GRIK4: variants seen among roughly 807,000 people sequenced by gnomAD.
GRIK4 encodes the protein glutamate ionotropic receptor kainate type subunit 4.
In GRIK4, 40 loss-of-function variants were observed where a neutral mutation model predicts 104.9. The ratio of observed to expected loss-of-function variants is 0.38; its 90% CI spans 0.30 to 0.50. GRIK4 has a LOEUF of 0.50. Among genes scored for constraint, GRIK4 ranks in the 20% least tolerant of loss-of-function variants. The probability of loss-of-function intolerance (pLI) is 0.93; values close to 1 mark genes in which losing one functional copy is unlikely to be tolerated. For missense variants in GRIK4, 1,047 were observed against 1,308.1 expected (o/e 0.80, Z 3.08); for synonymous variants, 485 against 524.9 (o/e 0.92, Z 1.04).
At chr11:120,668,701 C>T (rs10892593) in intron 3 of GRIK4, among the ~76,000 whole-genome samples, 19,792 of 152,130 alleles carry the variant, frequency 0.13, 1,407 homozygotes, top group South Asian at 0.23. Context: ...AGTTGGCTCC[C>T]GGGAGGCTCT....
At chr11:120,911,122 G>A (rs1565433777) in intron 13 of GRIK4, among the ~76,000 whole-genome samples, 2 of 152,230 alleles carry the variant, frequency 1.3e-5, no homozygotes, top group South Asian at 2.1e-4. Flanking sequence ...TGAAACAAGC[G>A]GGCAGGAGGG....
At chr11:120,928,960 CGTGTGTGTGTGT>C (rs61452053) in intron 13 of GRIK4, among the ~76,000 whole-genome samples, 3 of 150,462 alleles carry the variant, frequency 2.0e-5, no homozygotes, top group East Asian at 2.0e-4. Flanking sequence ...TTAGCAAAGA[CGTGTGTGTGTGT>C]GTGTGTGTGT....
At chr11:120,658,363 G>A (rs1949747149) in intron 2 of GRIK4, among the ~76,000 whole-genome samples, 1 of 152,130 alleles carries the variant, frequency 6.6e-6, no homozygotes, top group Admixed American at 6.5e-5. Flanking sequence ...GCATGTCTTT[G>A]CTAATCATAT....
intron 1 of GRIK4, among the ~76,000 whole-genome samples, chr11:120,583,569 A>G (rs1165671076): frequency 6.6e-6 from 1 of 151,922 alleles, no homozygotes; most frequent in African/African-American, 2.4e-5. Flanking sequence ...CCATTGGTCT[A>G]TGTTTCTGTT....
chr11:120,853,852 A>G (rs1954036534), intron 8 of GRIK4, among the ~76,000 whole-genome samples: 1 of 152,260 alleles, frequency 6.6e-6, no homozygotes, highest in African/African-American at 2.4e-5. Flanking sequence ...GTGATGGAGT[A>G]TGCTTTGACA....
chr11:120,898,564 C>T lies in GRIK4; in HGVS notation c.1197C>T (p.Ser399=). The T allele has an allele frequency of 6.2e-7, 1 of 1,611,586 alleles. No homozygotes were observed. Among genetic ancestry groups the T allele is most frequent in the African/African-American group, 1.3e-5 (1 of 74,998 alleles). The change falls in exon 12 of 21, where the codon AGC becomes AGT. Residue 399 remains serine, a synonymous_variant. Transcript: ENST00000527524. ...AGTGGCACGTGGCAGAGGGCCTCAG[C>T]ATGGACAGCCACCTCTATGCCTCCA... ...IGQWHVAEGL[S]MDSHLYASNI...
intron 8 of GRIK4, among the ~76,000 whole-genome samples, chr11:120,850,968 C>A (rs375015926): frequency 4.7e-4 from 71 of 152,160 alleles, no homozygotes; most frequent in African/African-American, 1.7e-3. Flanking sequence ...CCGTAAATCA[C>A]CATCTGGGGC....
At chr11:120,741,282 T>C (rs192001933) in intron 3 of GRIK4, among the ~76,000 whole-genome samples, 2,002 of 141,326 alleles carry the variant, frequency 0.014, 43 homozygotes, top group African/African-American at 0.049. Flanking sequence ...TTTCTTTTTT[T>C]TTTTTTTTTT....
intron 3 of GRIK4, among the ~76,000 whole-genome samples, chr11:120,725,547 A>C (rs1330796088): frequency 6.6e-6 from 1 of 152,192 alleles, no homozygotes; most frequent in Non-Finnish European, 1.5e-5. Flanking sequence ...GTAAGAAAAC[A>C]GGAACTAGGG....
chr11:120,700,264 C>CTTTTTTT (rs34617192), intron 3 of GRIK4, among the ~76,000 whole-genome samples: 1 of 118,246 alleles, frequency 8.5e-6, no homozygotes. Context: ...TATATTACTA[C>CTTTTTTT]TTTTTTTTTT....
intron 3 of GRIK4, among the ~76,000 whole-genome samples, chr11:120,661,440 G>C (rs961983610): frequency 5.3e-5 from 8 of 152,236 alleles, no homozygotes; most frequent in Non-Finnish European, 7.3e-5. Flanking sequence ...TCCCACACTG[G>C]GGGTGGGGTT....
intron 3 of GRIK4, among the ~76,000 whole-genome samples, chr11:120,796,890 G>T (rs574811198): frequency 3.9e-5 from 6 of 151,944 alleles, no homozygotes; most frequent in South Asian, 2.1e-4. Context: ...GGCGCTGCAG[G>T]GGGGAGGAGT....
In GRIK4 at chr11:120,987,079, C is replaced by T. The variant is rs1383902729; in HGVS notation, c.*819C>T. 2 of 152,248 alleles carry T rather than the reference C, an allele frequency of 1.3e-5. No individual in the cohort carries two copies. The highest frequency in any genetic ancestry group is 3.9e-4 in the East Asian group (2 of 5,194). 9.4% of individuals were successfully genotyped at this position (152,248 alleles called of 1,614,324 possible). ...AACGCCTGGAATGTCAAGGGTTAAT[C>T]TGTCTTTTCTTTCCCTTTCTCTTTC... is the stretch of plus-strand genomic sequence containing the variant. On this transcript the variant is annotated 3_prime_UTR_variant, in exon 21 of 21. Transcript: ENST00000527524.
intron 3 of GRIK4, among the ~76,000 whole-genome samples, chr11:120,698,029 G>A (rs1251793457): frequency 6.6e-6 from 1 of 152,158 alleles, no homozygotes; most frequent in Non-Finnish European, 1.5e-5. Flanking sequence ...GTGACATCAA[G>A]GCAGGGGGGC....
chr11:120,900,076 G>A (rs1942691349), intron 12 of GRIK4, among the ~76,000 whole-genome samples: 1 of 152,192 alleles, frequency 6.6e-6, no homozygotes, highest in Non-Finnish European at 1.5e-5. Flanking sequence ...TAGGACTGTG[G>A]GGTTTCAAGG....
At chr11:120,671,584 T>C (rs1489257756) in intron 3 of GRIK4, among the ~76,000 whole-genome samples, 2 of 152,242 alleles carry the variant, frequency 1.3e-5, no homozygotes, top group East Asian at 3.8e-4. Context: ...TGTTTGTTTT[T>C]TTCTTGTAAA....
intron 1 of GRIK4, among the ~76,000 whole-genome samples, chr11:120,570,400 A>G (rs906293824): frequency 1.3e-5 from 2 of 152,092 alleles, no homozygotes; most frequent in African/African-American, 4.8e-5. Context: ...ATAGTTCTAA[A>G]TATGTGTGCA....
chr11:120,986,686 G>T lies in GRIK4; in HGVS notation c.*426G>T. On this transcript the variant is annotated 3_prime_UTR_variant, in exon 21 of 21. Transcript: ENST00000527524. ...TACAGAAAAAAAAAAAATTAAACAG[G>T]GAAGTTTTTCTTTTCTGGATTTGTA... 1 of 157,390 alleles carries T rather than the reference G, an allele frequency of 6.4e-6. No individual in the cohort carries two copies. Among genetic ancestry groups the T allele is most frequent in the Non-Finnish European group, 1.4e-5 (1 of 71,902 alleles). The allele number at this position is 157,390 out of a possible 1,614,324, so 9.7% of individuals were successfully genotyped here. A position where few individuals can be genotyped will look rare whatever the true frequency, so the allele number is the denominator to read the frequency against.
rs776440015 is a variant in GRIK4, at chr11:120,889,588, C to CTTTTTTTTTTTTT, written c.1165-8944_1165-8943insTTTTTTTTTTTTT. Among the ~76,000 whole-genome samples, 264 of 67,112 alleles carry CTTTTTTTTTTTTT rather than the reference C, an allele frequency of 3.9e-3. 32 individuals are homozygous for CTTTTTTTTTTTTT. Among genetic ancestry groups the CTTTTTTTTTTTTT allele is most frequent in the Middle Eastern group, 0.026 (2 of 76 alleles). The allele number at this position is 67,112 out of a possible 152,430, so 44.0% of individuals were successfully genotyped here. ...AATAGAATAAAATAGAAAGAGCTTA[C>CTTTTTTTTTTTTT]ATTTTTTTTTTTTTTTTTTTTTTTT... On this transcript the variant is annotated intron_variant, in intron 11 of 20. Transcript: ENST00000527524.
Sources: allele counts gnomAD v4.1 joint callset (sites outside exome capture counted in the v4.1 genomes callset), GRCh38; gene constraint gnomAD v4.1.1; transcripts MANE v1.5; gene names NCBI Gene and HGNC (gene_info 2026-07-23, HGNC 2026-07-21).